The following DMRT1 variants were observed in gnomAD, a reference collection of about 807,000 sequenced individuals.
DMRT1 encodes doublesex- and mab-3-related transcription factor 1.
In DMRT1, 7 loss-of-function variants were observed where a neutral mutation model predicts 32.3. That is an observed-to-expected ratio of 0.22 (90% confidence interval 0.12 to 0.41). The LOEUF is 0.41. DMRT1 is among the 10% of genes least tolerant of loss of function. The pLI, the probability that DMRT1 is intolerant of heterozygous loss-of-function variation, is 1.00. For synonymous variants in DMRT1, 278 were observed against 206.1 expected (o/e 1.35, Z -2.99); for missense variants, 625 against 500.5 (o/e 1.25, Z -2.37).
intron 4 of DMRT1, among the ~76,000 whole-genome samples, chr9:953,357 T>G (rs369741496): frequency 6.6e-6 from 1 of 152,192 alleles, no homozygotes; most frequent in Admixed American, 6.5e-5. Flanking sequence ...TGGAGTTTAG[T>G]TATACCCATC....
At chr9:896,982 C>T (rs1183330402) in intron 3 of DMRT1, among the ~76,000 whole-genome samples, 1 of 151,926 alleles carries the variant, frequency 6.6e-6, no homozygotes, top group Non-Finnish European at 1.5e-5. Flanking sequence ...CTTTTGGGAT[C>T]TTTTGCTACC....
At chr9:901,043 C>T (rs144261814) in intron 3 of DMRT1, among the ~76,000 whole-genome samples, 2 of 151,530 alleles carry the variant, frequency 1.3e-5, no homozygotes, top group African/African-American at 2.4e-5. Context: ...TGAGAAGGAT[C>T]TTGCTCTCTC....
chr9:927,890 G>A (rs969916011), intron 4 of DMRT1, among the ~76,000 whole-genome samples: 9 of 152,186 alleles, frequency 5.9e-5, no homozygotes, highest in Non-Finnish European at 1.2e-4. Flanking sequence ...ACTTTCTCCC[G>A]GGAGTATTGT....
intron 2 of DMRT1, among the ~76,000 whole-genome samples, chr9:868,556 G>A (rs1816091143): frequency 6.6e-6 from 1 of 152,198 alleles, no homozygotes; most frequent in Non-Finnish European, 1.5e-5. Flanking sequence ...TTCTTTGTGT[G>A]CTGGGCACCT....
At chr9:905,506 G>GTGTGTA (rs1817742377) in intron 3 of DMRT1, among the ~76,000 whole-genome samples, 1 of 151,908 alleles carries the variant, frequency 6.6e-6, no homozygotes, top group Non-Finnish European at 1.5e-5. Context: ...GTGTGTGTGT[G>GTGTGTA]TGTGTGTGGC....
intron 4 of DMRT1, among the ~76,000 whole-genome samples, chr9:946,951 A>G (rs1431449914): frequency 1.3e-5 from 2 of 152,236 alleles, no homozygotes; most frequent in Non-Finnish European, 2.9e-5. Flanking sequence ...AAGATACCAA[A>G]GAGCCGATAA....
intron 2 of DMRT1, among the ~76,000 whole-genome samples, chr9:885,997 T>C (rs571143369): frequency 3.0e-4 from 46 of 152,348 alleles, no homozygotes; most frequent in African/African-American, 1.0e-3. Context: ...CATTAAGCAA[T>C]TTTGGCCAAT....
In DMRT1 at chr9:968,216, G is replaced by C. The variant is rs1348771241; in HGVS notation, c.*77G>C. The C allele has an allele frequency of 3.2e-6, 5 of 1,546,474 alleles. No individual in the cohort carries two copies. Among genetic ancestry groups the C allele is most frequent in the Non-Finnish European group, 4.4e-6 (5 of 1,132,112 alleles). Reference sequence around the variant, plus strand: ...TTTCCATGGGGTTTGTTAATATTTTGCATTGACTCATACTATCTTAACTGT... The same window carrying C: ...TTTCCATGGGGTTTGTTAATATTTTCCATTGACTCATACTATCTTAACTGT... On this transcript the variant is annotated 3_prime_UTR_variant, in exon 5 of 5. Coordinates refer to ENST00000382276, the MANE Select transcript of DMRT1 (RefSeq NM_021951.3).
At chr9:929,691 G>A (rs999147055) in intron 4 of DMRT1, among the ~76,000 whole-genome samples, 1 of 152,056 alleles carries the variant, frequency 6.6e-6, no homozygotes, top group Non-Finnish European at 1.5e-5. Context: ...TACTTTTCAT[G>A]CATTTTGTTC....
At chr9:914,641 G>C (rs921205547) in intron 3 of DMRT1, among the ~76,000 whole-genome samples, 4 of 147,440 alleles carry the variant, frequency 2.7e-5, no homozygotes, top group African/African-American at 1.0e-4. Flanking sequence ...GATTGGCCTA[G>C]AAGAGACACC....
At chr9:897,054 T>G (rs1817395504) in intron 3 of DMRT1, among the ~76,000 whole-genome samples, 1 of 151,300 alleles carries the variant, frequency 6.6e-6, no homozygotes, top group Admixed American at 6.6e-5. Flanking sequence ...AGCTACAAAT[T>G]TTCTTAAGTT....
intron 2 of DMRT1, among the ~76,000 whole-genome samples, chr9:870,227 G>A (rs1305254681): frequency 1.3e-5 from 2 of 152,052 alleles, no homozygotes; most frequent in Non-Finnish European, 2.9e-5. Context: ...GTGAAACCCC[G>A]TTTCTACTAA....
chr9:846,793 G>C (rs946319424), intron 1 of DMRT1, among the ~76,000 whole-genome samples, 167 bp from the exon 2 acceptor site: 32 of 152,192 alleles, frequency 2.1e-4, no homozygotes, highest in African/African-American at 7.5e-4. Context: ...CTGTTTCTCA[G>C]CTTTGCACAT....
At chr9:861,319 A>G (rs1263034968) in intron 2 of DMRT1, among the ~76,000 whole-genome samples, 1 of 152,020 alleles carries the variant, frequency 6.6e-6, no homozygotes, top group African/African-American at 2.4e-5. Flanking sequence ...CACAGTTTGC[A>G]CCGCCCTTAA....
intron 3 of DMRT1, among the ~76,000 whole-genome samples, chr9:908,970 C>T (rs1297477195): frequency 6.6e-6 from 1 of 152,112 alleles, no homozygotes; most frequent in Non-Finnish European, 1.5e-5. Context: ...GTCCACCCCT[C>T]ACCCCACACA....
At chr9:947,849 G>A (rs1005275905) in intron 4 of DMRT1, among the ~76,000 whole-genome samples, 3 of 152,118 alleles carry the variant, frequency 2.0e-5, no homozygotes, top group African/African-American at 4.8e-5. Flanking sequence ...ATTTCCTGTC[G>A]CTGGAGTCAT....
At chr9:967,436 T>C (rs141297936) in intron 4 of DMRT1, among the ~76,000 whole-genome samples, 72 of 152,384 alleles carry the variant, frequency 4.7e-4, no homozygotes, top group African/African-American at 1.6e-3. Flanking sequence ...TCTTTTACTT[T>C]TTAAAAGTTA....
At chr9:895,582 T>C (rs997468219) in intron 3 of DMRT1, among the ~76,000 whole-genome samples, 1 of 152,210 alleles carries the variant, frequency 6.6e-6, no homozygotes, top group Non-Finnish European at 1.5e-5. Context: ...AGATGTACAA[T>C]GTGATGATTT....
chr9:923,501 G>T (rs1027231066), intron 4 of DMRT1, among the ~76,000 whole-genome samples: 2 of 152,138 alleles, frequency 1.3e-5, no homozygotes, highest in African/African-American at 2.4e-5. Flanking sequence ...GGTGTCTGAT[G>T]TGCAAACAAG....
Sources: allele counts gnomAD v4.1 joint callset (sites outside exome capture counted in the v4.1 genomes callset), GRCh38; gene constraint gnomAD v4.1.1; transcripts MANE v1.5; gene names NCBI Gene and HGNC (gene_info 2026-07-23, HGNC 2026-07-21).